The following DTWD2 variants were observed in gnomAD, a reference collection of about 807,000 sequenced individuals.
DTWD2 encodes DTW motif tRNA-uridine aminocarboxypropyltransferase 2.
In DTWD2, 39 loss-of-function variants were observed where a neutral mutation model predicts 31.8. The observed-to-expected ratio is 1.22, with a 90% CI of 0.95 to 1.60. DTWD2 has a LOEUF of 1.60. Among genes scored for constraint, DTWD2 ranks in the 40% most tolerant of loss-of-function variants. The probability of loss-of-function intolerance (pLI) is 0.00; values close to 1 mark genes in which losing one functional copy is unlikely to be tolerated. For missense variants in DTWD2, 515 were observed against 381.5 expected (o/e 1.35, Z -2.92); for synonymous variants, 180 against 142.8 (o/e 1.26, Z -1.86).
intron 1 of DTWD2, among the ~76,000 whole-genome samples, chr5:118,967,743 A>C (rs1263622053): frequency 6.6e-6 from 1 of 152,258 alleles, no homozygotes; most frequent in African/African-American, 2.4e-5. Context: ...TTCCATATAG[A>C]AACATTCCAA....
intron 4 of DTWD2, among the ~76,000 whole-genome samples, chr5:118,853,997 T>C (rs1244362321): frequency 2.0e-5 from 3 of 152,342 alleles, no homozygotes; most frequent in African/African-American, 4.8e-5. Context: ...ACTTTAATCA[T>C]GTATTAACTT....
At chr5:118,848,256 T>G in intron 4 of DTWD2, 38 bp from the exon 5 acceptor site, 1 of 1,531,260 alleles carries the variant, frequency 6.5e-7, no homozygotes, top group South Asian at 1.3e-5. Flanking sequence ...ATTTTTGTTT[T>G]AAATTTAAAA....
intron 1 of DTWD2, among the ~76,000 whole-genome samples, chr5:118,967,399 G>C (rs549713745): frequency 6.6e-6 from 1 of 152,174 alleles, no homozygotes; most frequent in Non-Finnish European, 1.5e-5. Flanking sequence ...CAAGCACCCG[G>C]ATCTTGGTTT....
intron 4 of DTWD2, among the ~76,000 whole-genome samples, chr5:118,883,182 G>A (rs1257824622): frequency 6.6e-6 from 1 of 152,176 alleles, no homozygotes; most frequent in Non-Finnish European, 1.5e-5. Context: ...ACAAAATTCA[G>A]CCAGTCTCTT....
At chr5:118,910,179 C>A (rs1753425824) in intron 4 of DTWD2, among the ~76,000 whole-genome samples, 1 of 152,212 alleles carries the variant, frequency 6.6e-6, no homozygotes, top group Admixed American at 6.5e-5. Context: ...TTCTGCTCCT[C>A]TTTTGATTAT....
intron 1 of DTWD2, among the ~76,000 whole-genome samples, chr5:118,949,097 C>G (rs149195600): frequency 6.6e-6 from 1 of 150,998 alleles, no homozygotes; most frequent in African/African-American, 2.5e-5. Flanking sequence ...CTTTTGAGAA[C>G]AGATGTTGGA....
In DTWD2 at chr5:118,839,072, G is replaced by T. The variant is rs1751644113; in HGVS notation, c.*1845C>A. 1 of 152,108 alleles carries T rather than the reference G, an allele frequency of 6.6e-6. No homozygotes were observed. Among genetic ancestry groups the T allele is most frequent in the Non-Finnish European group, 1.5e-5 (1 of 68,052 alleles). 9.4% of individuals were successfully genotyped at this position (152,108 alleles called of 1,614,324 possible). On this transcript the variant is annotated 3_prime_UTR_variant, in exon 6 of 6. Coordinates refer to ENST00000510708, the MANE Select transcript of DTWD2 (RefSeq NM_173666.4). ...AGCTACTCAGGAGGCTGAGGCAGAA[G>T]AATGGCGTGAACCCAGGAGGCAGAG... is the stretch of plus-strand genomic sequence containing the variant.
intron 4 of DTWD2, among the ~76,000 whole-genome samples, chr5:118,853,837 C>T (rs1481235646): frequency 6.6e-6 from 1 of 152,096 alleles, no homozygotes; most frequent in Non-Finnish European, 1.5e-5. Context: ...TTGTAACAAA[C>T]CTGCACATGT....
chr5:118,946,501 A>G (rs1754341512), intron 1 of DTWD2, among the ~76,000 whole-genome samples: 1 of 152,202 alleles, frequency 6.6e-6, no homozygotes, highest in Non-Finnish European at 1.5e-5. Context: ...TTTTCTATTA[A>G]GTTAATCAAA....
At chr5:118,964,224 A>G (rs1040422498) in intron 1 of DTWD2, among the ~76,000 whole-genome samples, 2 of 152,058 alleles carry the variant, frequency 1.3e-5, no homozygotes, top group African/African-American at 4.8e-5. Flanking sequence ...TCTCAAAAAA[A>G]AAAAAAAAAA....
chr5:118,844,973 C>T (rs915857471), intron 5 of DTWD2, among the ~76,000 whole-genome samples: 8 of 152,040 alleles, frequency 5.3e-5, no homozygotes, highest in Admixed American at 5.2e-4. Flanking sequence ...CCCCGCCTCT[C>T]CCATCTCTAC....
chr5:118,851,326 TAAAGAG>T (rs1419090265), intron 4 of DTWD2, among the ~76,000 whole-genome samples: 4 of 149,430 alleles, frequency 2.7e-5, no homozygotes, highest in Non-Finnish European at 4.4e-5. Flanking sequence ...GTCTGAGAAA[TAAAGAG>T]AAAGAGTACA....
Position 118,988,404 on chromosome 5 carries a change from T to G in DTWD2, c.108A>C (p.Ala36=). ...PNDKERREGG[A]VPAAAALGAE... The stretch of plus-strand genomic sequence containing the variant: ...CGCCCAGGGCAGCCGCCGCCGGCAC[T>G]GCGCCGCCCTCCCGCCGCTCCTTGT... The change falls in exon 1 of 6, where the codon GCA becomes GCC. Residue 36 remains alanine (A), a synonymous_variant. Coordinates refer to ENST00000510708, the MANE Select transcript of DTWD2 (RefSeq NM_173666.4). 6.3e-7 allele frequency: 1 copy of G among 1,598,742 alleles called. No individual in the cohort carries two copies. The highest frequency in any genetic ancestry group is 8.5e-7 in the Non-Finnish European group (1 of 1,174,924).
intron 1 of DTWD2, among the ~76,000 whole-genome samples, chr5:118,950,772 C>T (rs1352917918): frequency 6.6e-6 from 1 of 152,204 alleles, no homozygotes; most frequent in Non-Finnish European, 1.5e-5. Flanking sequence ...GTTTCTCTCA[C>T]AGCAGAGGCA....
chr5:118,892,402 GTTT>G (rs1406738005), intron 4 of DTWD2, among the ~76,000 whole-genome samples: 2 of 151,988 alleles, frequency 1.3e-5, no homozygotes, highest in African/African-American at 4.8e-5. Context: ...AAGTATATCG[GTTT>G]AAAAACTATG....
At chr5:118,934,400 TA>T (rs1241175441) in intron 3 of DTWD2, among the ~76,000 whole-genome samples, 1 of 149,986 alleles carries the variant, frequency 6.7e-6, no homozygotes, top group Non-Finnish European at 1.5e-5. Flanking sequence ...CCTTATTATC[TA>T]AAAGTAAAAT....
At chr5:118,872,368 G>A (rs1752524892) in intron 4 of DTWD2, among the ~76,000 whole-genome samples, 1 of 152,176 alleles carries the variant, frequency 6.6e-6, no homozygotes, top group East Asian at 1.9e-4. Flanking sequence ...GTCTATCTCT[G>A]CTTTTGTCAT....
In DTWD2 at chr5:118,860,497, T is replaced by C. The variant is rs1027401476; in HGVS notation, c.598-12279A>G. Among the ~76,000 whole-genome samples, 5 of 152,212 alleles carry C rather than the reference T, an allele frequency of 3.3e-5. No individual in the cohort carries two copies. In the South Asian group the frequency reaches 6.2e-4, roughly 19 times the overall value. ...TAGTCATTTGCTATTTTAAGAAAAA[T>C]AATAAATAGCTTTGTGTTAATCTTC... On this transcript the variant is annotated intron_variant, in intron 4 of 5. Transcript: ENST00000510708.
At position 118,964,704 on chromosome 5, in the gene DTWD2, G is replaced by A. The variant is rs536802095; in HGVS notation, c.219-20055C>T. On this transcript the variant is annotated intron_variant, in intron 1 of 5. Transcript: ENST00000510708. ...TGATCTGCCAGCCTCGGCCTCCCGA[G>A]GTGCCAGGACTGCAGATGGAGTCTC... 1.3e-3 allele frequency among the ~76,000 whole-genome samples: 202 copies of A among 152,376 alleles called. 1 individual carries two copies. Among genetic ancestry groups the A allele is most frequent in the African/African-American group, 4.7e-3 (197 of 41,588 alleles).
Sources: gnomAD v4.1 joint callset for allele counts (sites outside exome capture counted in the v4.1 genomes callset) on GRCh38, gnomAD v4.1.1 for gene constraint, MANE v1.5 for transcripts, NCBI Gene and HGNC (gene_info 2026-07-23, HGNC 2026-07-21) for gene names.